The following TNFRSF1A variants were observed in gnomAD, a reference collection of about 807,000 sequenced individuals.
The protein encoded by TNFRSF1A is tumor necrosis factor receptor superfamily member 1A.
Under a neutral mutation model 41.6 loss-of-function variants are expected in TNFRSF1A, and 9 were observed. The observed-to-expected ratio is 0.22, with a 90% CI of 0.13 to 0.38. TNFRSF1A has a LOEUF of 0.38. Among genes scored for constraint, TNFRSF1A ranks in the 10% least tolerant of loss-of-function variants. The pLI, the probability that TNFRSF1A is intolerant of heterozygous loss-of-function variation, is 1.00. For missense variants in TNFRSF1A, 463 were observed against 591.5 expected, an observed-to-expected ratio of 0.78 and a Z score of 2.25; for synonymous variants, 254 against 248.6, an observed-to-expected ratio of 1.02 and a Z score of -0.21.
chr12:6,333,498 A>C lies in TNFRSF1A; in HGVS notation c.341T>G (p.Ile114Ser), dbSNP rs1286690014. 6.2e-7 allele frequency: 1 copy of C among 1,613,924 alleles called. No individual in the cohort carries two copies. The highest frequency in any genetic ancestry group is 2.2e-5 in the East Asian group (1 of 44,882). The change falls in exon 4 of 10, where the codon ATC becomes AGC. Residue 114 changes from isoleucine to serine, a missense_variant. Ile to Ser is a moderately radical substitution (Grantham distance 142, BLOSUM62 -2). Coordinates refer to ENST00000162749, the MANE Select transcript of TNFRSF1A (RefSeq NM_001065.4). This position sits in a 1 kb window ranked among gnomAD's most constrained non-coding sequence, Gnocchi z 6.3. Reference protein sequence around the residue: ...KCRKEMGQVEISSCTVDRDTV... With the variant: ...KCRKEMGQVESSSCTVDRDTV... ...GTCCCGGTCCACTGTGCAAGAAGAG[A>C]TCTCCACCTGACCCATTTCTGGTGA...
In TNFRSF1A at chr12:6,334,263, G is replaced by T. The variant is rs200226574; in HGVS notation, c.40-19C>A. On this transcript the variant is annotated intron_variant, in intron 1 of 9. Coordinates refer to ENST00000162749, the MANE Select transcript of TNFRSF1A (RefSeq NM_001065.4). The surrounding 1 kb of genome is among the most constrained non-coding windows in gnomAD (Gnocchi z 5.1). ...GGAGCACCTGGGGAAGAATCAGATA[G>T]AGGAGACACCATCAAGAGAGGGAGG... The T allele has an allele frequency of 6.2e-7, 1 of 1,608,704 alleles. No individual in the cohort carries two copies. The highest frequency in any genetic ancestry group is 8.5e-7 in the Non-Finnish European group (1 of 1,176,104).
chr12:6,329,052 A>G lies in TNFRSF1A; in HGVS notation c.*260T>C, dbSNP rs904028800. ...GCTGGTGAGGACACCCAAAACGGGC[A>G]TGAGGCATAGCGTCCCTCATCCTCG... On this transcript the variant is annotated 3_prime_UTR_variant, in exon 10 of 10. Coordinates refer to ENST00000162749, the MANE Select transcript of TNFRSF1A (RefSeq NM_001065.4). 5.0e-6 allele frequency: 2 copies of G among 401,310 alleles called. No individual in the cohort carries two copies. Among genetic ancestry groups the G allele is most frequent in the African/African-American group, 4.1e-5 (2 of 48,562 alleles). 24.9% of individuals were successfully genotyped at this position (401,310 alleles called of 1,614,324 possible). A position where few individuals can be genotyped will look rare whatever the true frequency, so the allele number is the denominator to read the frequency against.
intron 1 of TNFRSF1A, among the ~76,000 whole-genome samples, chr12:6,335,753 C>A (rs1220537041): frequency 6.6e-6 from 1 of 152,302 alleles, no homozygotes; most frequent in East Asian, 1.9e-4. Context: ...AGCCACCCAG[C>A]CTCACCAACT....
At chr12:6,330,515 TC>T (rs765206402) in intron 7 of TNFRSF1A, 82 bp downstream of exon 7, 4 of 1,129,980 alleles carry the variant, frequency 3.5e-6, no homozygotes, top group African/African-American at 1.6e-5. Context: ...ACTCCTCACC[TC>T]CCTCCACACA....
rs755046618 is a variant in TNFRSF1A, at chr12:6,339,839, TCTCACA to T, written c.39+1931_39+1936del. 5.8e-3 allele frequency among the ~76,000 whole-genome samples: 704 copies of T among 120,848 alleles called. 3 individuals carry two copies. Among genetic ancestry groups the T allele is most frequent in the African/African-American group, 0.019 (614 of 32,158 alleles). 79.3% of individuals were successfully genotyped at this position (120,848 alleles called of 152,430 possible). A position where few individuals can be genotyped will look rare whatever the true frequency, so the allele number is the denominator to read the frequency against. ...ACTTCTCTCTCTCTCTCTCTCTCTCTCTCACACACACACACACACACACACACACAC... is the reference window on the plus strand; with the variant it reads ...ACTTCTCTCTCTCTCTCTCTCTCTCTCACACACACACACACACACACACAC... On this transcript the variant is annotated intron_variant, in intron 1 of 9. Coordinates refer to ENST00000162749, the MANE Select transcript of TNFRSF1A (RefSeq NM_001065.4).
At chr12:6,329,690 C>T (rs971269732) in intron 9 of TNFRSF1A, 68 bp from the exon 10 acceptor site, 168 of 1,530,522 alleles carry the variant, frequency 1.1e-4, no homozygotes, top group Non-Finnish European at 1.0e-4. Context: ...CCGCGCCCTC[C>T]GCCTCTCGTG....
intron 5 of TNFRSF1A, among the ~76,000 whole-genome samples, chr12:6,332,164 G>A (rs966645620): frequency 6.6e-6 from 1 of 152,050 alleles, no homozygotes; most frequent in African/African-American, 2.4e-5. Context: ...GCCCAGGCCA[G>A]GCGTGGTGGC....
Position 6,334,452 on chromosome 12 carries a change from C to T in TNFRSF1A, c.40-208G>A, listed in dbSNP as rs74059210. 3.0e-3 allele frequency among the ~76,000 whole-genome samples: 463 copies of T among 152,124 alleles called. 5 individuals are homozygous for T. The highest frequency in any genetic ancestry group is 0.011 in the African/African-American group (444 of 41,502). ...GATGCTTAATTGTTCTCTAGTTGTC[C>T]TGTGTGTTCATTTTTGTTCCCTCAA... On this transcript the variant is annotated intron_variant, in intron 1 of 9. Transcript: ENST00000162749. The surrounding 1 kb of genome is among the most constrained non-coding windows in gnomAD (Gnocchi z 5.1).
Position 6,329,521 on chromosome 12 carries a change from G to A in TNFRSF1A, c.1159C>T (p.Arg387Trp), listed in dbSNP as rs1199072290. The change falls in exon 10 of 10, where the codon CGG becomes TGG. Residue 387 changes from arginine to tryptophan, a missense_variant. Physicochemically the swap from Arg to Trp is moderately radical, Grantham distance 101. Transcript: ENST00000162749. The part of the protein sequence containing the change: ...RLGLSDHEID[R>W]LELQNGRCLR... ...CAGCGCCCGTTCTGCAGCTCCAGCC[G>A]ATCGATCTCGTGGTCGCTCAGCCCT... is the stretch of plus-strand genomic sequence containing the variant. 4.4e-6 allele frequency: 7 copies of A among 1,595,002 alleles called. No homozygotes were observed. The highest frequency in any genetic ancestry group is 5.9e-6 in the Non-Finnish European group (7 of 1,178,006).
rs1237655178 is a variant in TNFRSF1A at position 6,334,356 on chromosome 12, C to G, written c.40-112G>C. On this transcript the variant is annotated intron_variant, in intron 1 of 9. Transcript: ENST00000162749. This position sits in a 1 kb window ranked among gnomAD's most constrained non-coding sequence, Gnocchi z 5.1. ...CAAGTCCTTCCTCAGTGAAACATTCCGCCCAGGCCACGCCACTCACTAAGT... is the reference window on the plus strand; with the variant it reads ...CAAGTCCTTCCTCAGTGAAACATTCGGCCCAGGCCACGCCACTCACTAAGT... 5.4e-6 allele frequency: 5 copies of G among 925,080 alleles called. No homozygotes were observed. The highest frequency in any genetic ancestry group is 1.7e-5 in the African/African-American group (1 of 60,372). 57.3% of individuals were successfully genotyped at this position (925,080 alleles called of 1,614,324 possible). A position where few individuals can be genotyped will look rare whatever the true frequency, so the allele number is the denominator to read the frequency against.
Position 6,334,250 on chromosome 12 carries a change from G to A in TNFRSF1A, c.40-6C>T, listed in dbSNP as rs202236729. Reference sequence around the variant, plus strand: ...ACCAACAGCTCCAGGAGCACCTGGGGAAGAATCAGATAGAGGAGACACCAT... The same window carrying A: ...ACCAACAGCTCCAGGAGCACCTGGGAAAGAATCAGATAGAGGAGACACCAT... On this transcript the variant is annotated splice_polypyrimidine_tract_variant and splice_region_variant and intron_variant, in intron 1 of 9. Transcript: ENST00000162749. The surrounding 1 kb of genome is among the most constrained non-coding windows in gnomAD (Gnocchi z 5.1). 3.7e-6 allele frequency: 6 copies of A among 1,612,410 alleles called. No homozygotes were observed. The African/African-American group carries it at 4.0e-5, about 11-fold the overall frequency.
intron 1 of TNFRSF1A, among the ~76,000 whole-genome samples, chr12:6,339,048 TC>T (rs1948154162): frequency 6.6e-6 from 1 of 152,178 alleles, no homozygotes; most frequent in African/African-American, 2.4e-5. Context: ...ACACTCTTCC[TC>T]CATCCTCTCC....
At position 6,333,562 on chromosome 12, in the gene TNFRSF1A, C is replaced by T. The variant is rs1948080246; in HGVS notation, c.323-46G>A. 1 of 1,613,004 alleles carries T rather than the reference C, an allele frequency of 6.2e-7. No homozygotes were observed. ...GGTATGAGTCCTGCATCCTCCTGTC[C>T]CTGCATCCCCTTCCTGACATACCCC... On this transcript the variant is annotated intron_variant, in intron 3 of 9. Transcript: ENST00000162749. The surrounding 1 kb of genome is among the most constrained non-coding windows in gnomAD (Gnocchi z 6.3).
In TNFRSF1A at chr12:6,337,611, G is replaced by A. The variant is rs1860545; in HGVS notation, c.40-3367C>T. Among the ~76,000 whole-genome samples the A allele has an allele frequency of 0.31, 46,490 of 152,012 alleles. 8,383 individuals are homozygous for A. The highest frequency in any genetic ancestry group is 0.41 in the Non-Finnish European group (27,825 of 67,930). The stretch of plus-strand genomic sequence containing the variant: ...TCCCTCCCGTGAAGCCACCATTGAC[G>A]ATGTCTGTTTCCTCCACCCCGGCTC... On this transcript the variant is annotated intron_variant, in intron 1 of 9. Coordinates refer to ENST00000162749, the MANE Select transcript of TNFRSF1A (RefSeq NM_001065.4). This position sits in a 1 kb window ranked among gnomAD's most constrained non-coding sequence, Gnocchi z 4.6.
Position 6,329,636 on chromosome 12 carries a change from G to A in TNFRSF1A, c.1058-14C>T, listed in dbSNP as rs1246137676. ...CGGGGTCATCAGCTGCGGGGACGCG[G>A]GCCGGTGAGCCTCGGGCGGCAACCC... On this transcript the variant is annotated splice_polypyrimidine_tract_variant and intron_variant, in intron 9 of 9. Transcript: ENST00000162749. 2.5e-6 allele frequency: 4 copies of A among 1,589,644 alleles called. No individual in the cohort carries two copies. Among genetic ancestry groups the A allele is most frequent in the South Asian group, 1.1e-5 (1 of 89,492 alleles).
Position 6,334,346 on chromosome 12 carries a change from T to A in TNFRSF1A, c.40-102A>T. The A allele has an allele frequency of 9.3e-7, 1 of 1,072,450 alleles. No individual in the cohort carries two copies. The highest frequency in any genetic ancestry group is 1.4e-6 in the Non-Finnish European group (1 of 728,510). The allele number at this position is 1,072,450 out of a possible 1,614,324, so 66.4% of individuals were successfully genotyped here. ...TTCCCTGGCTCAAGTCCTTCCTCAG[T>A]GAAACATTCCGCCCAGGCCACGCCA... On this transcript the variant is annotated intron_variant, in intron 1 of 9. Transcript: ENST00000162749. The surrounding 1 kb of genome is among the most constrained non-coding windows in gnomAD (Gnocchi z 5.1).
intron 1 of TNFRSF1A, among the ~76,000 whole-genome samples, chr12:6,340,667 G>A (rs1227435913): frequency 6.6e-6 from 1 of 152,224 alleles, no homozygotes; most frequent in Admixed American, 6.5e-5. Flanking sequence ...GAAGTCTGAG[G>A]AGAGTCTGGG....
intron 5 of TNFRSF1A, among the ~76,000 whole-genome samples, chr12:6,332,606 G>A (rs1056123245): frequency 2.0e-5 from 3 of 152,072 alleles, no homozygotes; most frequent in Admixed American, 6.5e-5. Context: ...GGAGCCAGGA[G>A]TAAGGAGGCC....
In TNFRSF1A at chr12:6,333,802, C is replaced by T; in HGVS notation, c.257G>A (p.Ser86Asn). 1.3e-6 allele frequency: 2 copies of T among 1,589,390 alleles called. No homozygotes were observed. The highest frequency in any genetic ancestry group is 1.7e-6 in the Non-Finnish European group (2 of 1,167,102). Residue 86 changes from serine to asparagine, a missense_variant, in exon 3 of 10, where the codon AGC becomes AAC. Physicochemically the swap from Ser to Asn is conservative, Grantham distance 46. Coordinates refer to ENST00000162749, the MANE Select transcript of TNFRSF1A (RefSeq NM_001065.4). This position sits in a 1 kb window ranked among gnomAD's most constrained non-coding sequence, Gnocchi z 6.3. ...GTTTTCTGAAGCGGTGAAGGAGCCG[C>T]TCTCACACTCCCTGCAGTCCGTATC... ...GQDTDCRECE[S>N]GSFTASENHL... is the part of the protein sequence containing the mutation.
Sources: gnomAD v4.1 joint callset for allele counts (sites outside exome capture counted in the v4.1 genomes callset) on GRCh38, gnomAD v4.1.1 for gene constraint, Gnocchi (gnomAD v3.1) non-coding constraint, MANE v1.5 for transcripts, NCBI Gene and HGNC (gene_info 2026-07-23, HGNC 2026-07-21) for gene names.